The following TRMT44 variants were observed in gnomAD, a reference collection of about 807,000 sequenced individuals.
The protein encoded by TRMT44 is probable tRNA (uracil-O(2)-)-methyltransferase.
TRMT44 carries 78 observed loss-of-function variants against 77.3 expected under a neutral mutation model. That is an observed-to-expected ratio of 1.01 (90% CI 0.84 to 1.22). The LOEUF is 1.22. TRMT44 is among the 50% of genes most tolerant of loss of function. The probability of loss-of-function intolerance (pLI) is 0.00; values close to 1 mark genes in which losing one functional copy is unlikely to be tolerated. For synonymous variants in TRMT44, 391 were observed against 383.3 expected, an observed-to-expected ratio of 1.02 and a Z score of -0.23; for missense variants, 1,090 against 964.4, an observed-to-expected ratio of 1.13 and a Z score of -1.73.
rs775560222 is a variant in TRMT44, at chr4:8,476,010, C to T, written c.*9C>T. 5 of 1,612,452 alleles carry T rather than the reference C, an allele frequency of 3.1e-6. No individual in the cohort carries two copies. In the South Asian group the frequency reaches 5.5e-5, roughly 18 times the overall value. On this transcript the variant is annotated 3_prime_UTR_variant, in exon 11 of 11. Transcript: ENST00000389737. ...GGAAGAAGATTTCATGAGCTGCATC[C>T]TTGCCAGCCGAGGCCTGGTTGGGGA...
At chr4:8,500,216 G>A in the TRMT44 span, among the ~76,000 whole-genome samples, 2 of 151,992 alleles carry the variant, frequency 1.3e-5, no homozygotes, top group African/African-American at 4.8e-5. Flanking sequence ...AAACAGCTGG[G>A]TGCGGTGGCT....
rs920085902 is a variant in TRMT44 at position 8,461,221 on chromosome 4, A to G, written c.1204-2764A>G. 6.6e-6 allele frequency among the ~76,000 whole-genome samples: 1 copy of G among 152,192 alleles called. No homozygotes were observed. Among genetic ancestry groups the G allele is most frequent in the Non-Finnish European group, 1.5e-5 (1 of 68,044 alleles). ...GTGATTGGCAGTTGCTTGTCCACTC[A>G]TACATTACATTAGGAAATGTTTTCA... On this transcript the variant is annotated intron_variant, in intron 6 of 10. Transcript: ENST00000389737. The surrounding 1 kb of genome is among the most constrained non-coding windows in gnomAD (Gnocchi z 4.6).
chr4:8,493,372 G>C (rs577730648), exon 3 of TRMT44: 1 of 152,290 alleles, frequency 6.6e-6, no homozygotes, highest in South Asian at 2.1e-4. Flanking sequence ...GACAGCTTCA[G>C]CTCCCTAAGA....
chr4:8,484,865 T>C (rs1431535183), intron 2 of TRMT44, among the ~76,000 whole-genome samples: 7 of 152,078 alleles, frequency 4.6e-5, no homozygotes, highest in Non-Finnish European at 7.4e-5. Flanking sequence ...GAGAGATTAG[T>C]TGGACATGAG....
At chr4:8,481,980 T>C (rs567854682) in intron 2 of TRMT44, among the ~76,000 whole-genome samples, 1 of 152,396 alleles carries the variant, frequency 6.6e-6, no homozygotes, top group Non-Finnish European at 1.5e-5. Context: ...GATAAGGCAC[T>C]ATGAACATTC....
chr4:8,470,109 A>C (rs1726881305), intron 9 of TRMT44, among the ~76,000 whole-genome samples: 1 of 152,256 alleles, frequency 6.6e-6, no homozygotes, highest in South Asian at 2.1e-4. Context: ...ATGCTGGGCC[A>C]GAGCCGGGGC....
intron 9 of TRMT44, 64 bp downstream of exon 9, chr4:8,468,410 G>T: frequency 6.6e-7 from 1 of 1,523,974 alleles, no homozygotes; most frequent in Non-Finnish European, 9.1e-7. Context: ...AGGAATTCAC[G>T]TCTTCAGAAC....
chr4:8,504,256 TAA>T, the TRMT44 span, among the ~76,000 whole-genome samples: 3 of 152,198 alleles, frequency 2.0e-5, no homozygotes, highest in African/African-American at 7.2e-5. This position sits in a 1 kb window ranked among gnomAD's most constrained non-coding sequence, Gnocchi z 5.3. Flanking sequence ...ATGGCCCACC[TAA>T]GTCTCCTGCG....
chr4:8,450,023 G>A, intron 3 of TRMT44, 135 bp downstream of exon 3: 2 of 397,210 alleles, frequency 5.0e-6, no homozygotes, highest in South Asian at 2.6e-5. Flanking sequence ...CCAGAGTGAA[G>A]TGGTGTGATC....
chr4:8,475,263 A>C (rs904847899), intron 10 of TRMT44, among the ~76,000 whole-genome samples: 1 of 152,196 alleles, frequency 6.6e-6, no homozygotes, highest in Admixed American at 6.5e-5. Context: ...GCTGCAGCAC[A>C]GATGTTTTCT....
At chr4:8,455,227 C>T (rs535474660) in intron 6 of TRMT44, among the ~76,000 whole-genome samples, 2 of 152,204 alleles carry the variant, frequency 1.3e-5, no homozygotes, top group Non-Finnish European at 2.9e-5. Context: ...GATGGGGACA[C>T]CTGCAGATGA....
At chr4:8,471,900 TC>T (rs962546183) in intron 10 of TRMT44, among the ~76,000 whole-genome samples, 8 of 152,138 alleles carry the variant, frequency 5.3e-5, no homozygotes, top group African/African-American at 1.9e-4. Context: ...TGTACACACT[TC>T]CATCATCTGC....
intron 3 of TRMT44, 64 bp downstream of exon 3, chr4:8,449,952 T>TTA: frequency 1.6e-5 from 7 of 445,992 alleles, no homozygotes; most frequent in Non-Finnish European, 2.3e-5. Flanking sequence ...TTCTTTTCTT[T>TTA]TTTTTTTTTT....
At chr4:8,441,607 AG>A (rs1489445806) in intron 1 of TRMT44, among the ~76,000 whole-genome samples, 166 bp downstream of exon 1, 1 of 152,218 alleles carries the variant, frequency 6.6e-6, no homozygotes, top group African/African-American at 2.4e-5. Context: ...GTGTGTCCTT[AG>A]TACAGAAGAT....
chr4:8,446,434 C>G lies in TRMT44; in HGVS notation c.620-42C>G. 1 of 1,267,146 alleles carries G rather than the reference C, an allele frequency of 7.9e-7. No homozygotes were observed. The highest frequency in any genetic ancestry group is 1.5e-5 in the African/African-American group (1 of 67,772). 78.5% of individuals were successfully genotyped at this position (1,267,146 alleles called of 1,614,324 possible). A position where few individuals can be genotyped will look rare whatever the true frequency, so the allele number is the denominator to read the frequency against. ...AATACTGCTTCTGATGAGACGGTAG[C>G]TAGGCAGTTGTAATTTGTCCTTCTT... On this transcript the variant is annotated intron_variant, in intron 1 of 10. Transcript: ENST00000389737. This position sits in a 1 kb window ranked among gnomAD's most constrained non-coding sequence, Gnocchi z 4.3.
In TRMT44 at chr4:8,468,294, A is replaced by G. The variant is rs141888913; in HGVS notation, c.1875A>G (p.Gln625=). 5,243 of 1,614,218 alleles carry G rather than the reference A, an allele frequency of 3.2e-3. 12 individuals carry two copies. Among genetic ancestry groups the G allele is most frequent in the Non-Finnish European group, 4.1e-3 (4,884 of 1,180,044 alleles). The change falls in exon 9 of 11, where the codon CAA becomes CAG. Residue 625 remains glutamine (Q), a synonymous_variant. Coordinates refer to ENST00000389737, the MANE Select transcript of TRMT44 (RefSeq NM_152544.3). Reference sequence around the variant, plus strand: ...CGAATTTACTGTTAGGTGGAAAGCAATTAAACACAAGAAGTTCTCGAAATG... The same window carrying G: ...CGAATTTACTGTTAGGTGGAAAGCAGTTAAACACAAGAAGTTCTCGAAATG... ...QVANLLLGGK[Q]LNTRSSRNGS...
chr4:8,465,376 A>G lies in TRMT44; in HGVS notation c.1311-2A>G, dbSNP rs766594967. 1.2e-5 allele frequency: 19 copies of G among 1,605,060 alleles called. No individual in the cohort carries two copies. The highest frequency in any genetic ancestry group is 1.4e-5 in the Non-Finnish European group (17 of 1,176,102). On this transcript the variant is annotated splice_acceptor_variant, in intron 7 of 10. Transcript: ENST00000389737. LOFTEE classifies it high-confidence loss of function. The stretch of plus-strand genomic sequence containing the variant: ...CCCTGTGGTTGTTGGTTCTTTTTGA[A>G]GGTCTTCCTACAATTGCCGCTTCTT...
intron 8 of TRMT44, 29 bp downstream of exon 8, chr4:8,465,590 C>A: frequency 6.3e-7 from 1 of 1,577,718 alleles, no homozygotes; most frequent in Non-Finnish European, 8.6e-7. Context: ...TTGTTCTAGG[C>A]GGTGTGTCGG....
rs146259772 is a variant in TRMT44 at position 8,471,772 on chromosome 4, C to T, written c.2044+572C>T. Among the ~76,000 whole-genome samples the T allele has an allele frequency of 3.9e-3, 589 of 152,348 alleles. 4 individuals carry two copies. The highest frequency in any genetic ancestry group is 0.014 in the African/African-American group (570 of 41,582). On this transcript the variant is annotated intron_variant, in intron 10 of 10. Transcript: ENST00000389737. ...TATGGGGAGGCAGGAGGGCCCTCCA[C>T]CCGCTTGTCCATTCACTCAGCCCGC... is the stretch of plus-strand genomic sequence containing the variant.
Sources: allele counts gnomAD v4.1 joint callset (sites outside exome capture counted in the v4.1 genomes callset), GRCh38; gene constraint gnomAD v4.1.1; non-coding constraint Gnocchi (gnomAD v3.1); transcripts MANE v1.5; gene names NCBI Gene and HGNC (gene_info 2026-07-23, HGNC 2026-07-21).